LZTR1: variants seen among roughly 807,000 people sequenced by gnomAD.
LZTR1 encodes the protein leucine zipper like post translational regulator 1.
LZTR1 carries 260 observed loss-of-function variants against 105.7 expected under a neutral mutation model. That is an observed-to-expected ratio of 2.46 (90% CI 2.22 to 2.72). The LOEUF (loss-of-function observed/expected upper bound fraction) is 2.72, where lower values mean the gene tolerates loss of function less well. LZTR1 is among the 30% of genes most tolerant of loss of function. The pLI, the probability that LZTR1 is intolerant of heterozygous loss-of-function variation, is 0.00. For synonymous variants in LZTR1, 490 were observed against 476.4 expected, an observed-to-expected ratio of 1.03 and a Z score of -0.37; for missense variants, 1,214 against 1,166.9, an observed-to-expected ratio of 1.04 and a Z score of -0.59.
At chr22:20,983,598 T>G (rs1218426740) in intron 2 of LZTR1, among the ~76,000 whole-genome samples, 1 of 151,918 alleles carries the variant, frequency 6.6e-6, no homozygotes, top group Non-Finnish European at 1.5e-5. Flanking sequence ...GAGGGTGGAG[T>G]ATTTGCACAT....
In LZTR1 at chr22:20,993,774, C is replaced by T. The variant is rs1441162687; in HGVS notation, c.1353+20C>T. The stretch of plus-strand genomic sequence containing the variant: ...GGTGAGGTGGGTGCCTGTCCTCGCA[C>T]CCTGCTCTGCCTGCTGTGCCTGGGC... On this transcript the variant is annotated intron_variant, in intron 12 of 20. Coordinates refer to ENST00000646124, the MANE Select transcript of LZTR1 (RefSeq NM_006767.4). The T allele has an allele frequency of 2.5e-6, 4 of 1,605,478 alleles. No individual in the cohort carries two copies. The highest frequency in any genetic ancestry group is 3.4e-6 in the Non-Finnish European group (4 of 1,175,294).
At position 20,997,844 on chromosome 22, in the gene LZTR1, G is replaced by A. The variant is rs1924930469; in HGVS notation, c.*496G>A. 6.4e-6 allele frequency: 1 copy of A among 155,770 alleles called. No homozygotes were observed. Among genetic ancestry groups the A allele is most frequent in the Non-Finnish European group, 1.4e-5 (1 of 70,238 alleles). The allele number at this position is 155,770 out of a possible 1,614,324, so 9.6% of individuals were successfully genotyped here. A position where few individuals can be genotyped will look rare whatever the true frequency, so the allele number is the denominator to read the frequency against. On this transcript the variant is annotated 3_prime_UTR_variant, in exon 21 of 21. Coordinates refer to ENST00000646124, the MANE Select transcript of LZTR1 (RefSeq NM_006767.4). ...CCCACCCTCACTGAGATCCATGTAA[G>A]GGGCTCCTCTTCCCACCTGGAACTT...
In LZTR1 at chr22:20,996,883, C is replaced by T. The variant is rs375845428; in HGVS notation, c.2326-3C>T. ...CAGCGCCTCAAGGTCCCTGCCATTG[C>T]AGATCCTGGAGGCAGCTGACAAAAC... On this transcript the variant is annotated splice_region_variant and splice_polypyrimidine_tract_variant and intron_variant, in intron 19 of 20. Transcript: ENST00000646124. The T allele has an allele frequency of 3.1e-6, 5 of 1,611,856 alleles. No homozygotes were observed. The African/African-American group carries it at 5.3e-5, about 17-fold the overall frequency.
chr22:20,986,589 T>C (rs1055977060), intron 3 of LZTR1: 1 of 152,054 alleles, frequency 6.6e-6, no homozygotes, highest in Non-Finnish European at 1.5e-5. Flanking sequence ...GATGGGTAGA[T>C]AGATGACAGA....
At position 20,994,964 on chromosome 22, in the gene LZTR1, A is replaced by T; in HGVS notation, c.1880A>T (p.Glu627Val). The T allele has an allele frequency of 6.2e-7, 1 of 1,613,190 alleles. No individual in the cohort carries two copies. Among genetic ancestry groups the T allele is most frequent in the Non-Finnish European group, 8.5e-7 (1 of 1,179,968 alleles). The change falls in exon 16 of 21, where the codon GAG (glutamate) becomes GTG (valine). Residue 627 changes from glutamate (E) to valine (V), a missense_variant. By Grantham distance (121) the Glu-to-Val change is moderately radical. Transcript: ENST00000646124. ...FERLSSPLIV[E>V]IVRRKQQPPP... ...CGCCTCTCCTCTCCACTGATAGTGG[A>T]GATTGTGCGGCGGAAGCAGCAGCCG...
rs923724411 is a variant in LZTR1 at position 20,995,547 on chromosome 22, G to C, written c.1943-199G>C. On this transcript the variant is annotated intron_variant, in intron 16 of 20. Coordinates refer to ENST00000646124, the MANE Select transcript of LZTR1 (RefSeq NM_006767.4). ...GACGCTGGGTGGTGGGCTGTGCGTG[G>C]GGCATAGTGCTTGAGTCGGCCAGGG... 1.1e-5 allele frequency: 8 copies of C among 739,910 alleles called. No individual in the cohort carries two copies. In the African/African-American group the frequency reaches 1.2e-4, roughly 11 times the overall value. 45.8% of individuals were successfully genotyped at this position (739,910 alleles called of 1,614,324 possible).
rs140874089 is a variant in LZTR1, at chr22:20,995,793, G to C, written c.1990G>C (p.Ala664Pro). The change falls in exon 17 of 21, where the codon GCG (alanine) becomes CCG (proline). Residue 664 changes from alanine to proline, a missense_variant. Physicochemically the swap from Ala to Pro is conservative, Grantham distance 27. Transcript: ENST00000646124. ...DMKAYLEGAGAEFCDITLLLD... is the reference protein window; with the variant it reads ...DMKAYLEGAGPEFCDITLLLD... ...GAAGGCATACCTGGAGGGAGCGGGCGCGGAATTCTGTGACATCACTCTGTT... is the reference window on the plus strand; with the variant it reads ...GAAGGCATACCTGGAGGGAGCGGGCCCGGAATTCTGTGACATCACTCTGTT... 6.2e-7 allele frequency: 1 copy of C among 1,613,558 alleles called. No individual in the cohort carries two copies. Among genetic ancestry groups the C allele is most frequent in the South Asian group, 1.1e-5 (1 of 91,084 alleles).
intron 4 of LZTR1, 101 bp downstream of exon 4, chr22:20,987,684 C>A: frequency 1.9e-6 from 2 of 1,063,762 alleles, no homozygotes; most frequent in Non-Finnish European, 2.9e-6. Flanking sequence ...CTGTGTACAG[C>A]AGGGGCTCTC....
chr22:20,994,827 C>G (rs555269995), intron 15 of LZTR1, 43 bp from the exon 16 acceptor site: 4 of 1,611,110 alleles, frequency 2.5e-6, no homozygotes, highest in Admixed American at 1.7e-5. Flanking sequence ...AGCCTGGGGC[C>G]CTGGCTTGAC....
In LZTR1 at chr22:20,989,828, G is replaced by A. The variant is rs1194086306; in HGVS notation, c.651+146G>A. On this transcript the variant is annotated intron_variant, in intron 7 of 20. Coordinates refer to ENST00000646124, the MANE Select transcript of LZTR1 (RefSeq NM_006767.4). Reference sequence around the variant, plus strand: ...CAGGGGGAGCCAGGCTGGGGGTCGAGGCTGCTTTCTTCCCCTTGCAAAGCC... The same window carrying A: ...CAGGGGGAGCCAGGCTGGGGGTCGAAGCTGCTTTCTTCCCCTTGCAAAGCC... The A allele has an allele frequency of 4.6e-6, 4 of 867,792 alleles. No homozygotes were observed. The African/African-American group carries it at 4.9e-5, about 11-fold the overall frequency. 53.8% of individuals were successfully genotyped at this position (867,792 alleles called of 1,614,324 possible).
In LZTR1 at chr22:20,989,686, A is replaced by G. The variant is rs1353939132; in HGVS notation, c.651+4A>G. On this transcript the variant is annotated splice_donor_region_variant and intron_variant, in intron 7 of 20. Transcript: ENST00000646124. ...AGAGCTCACCTGCTGGGAGGAGGTG[A>G]GGGGCGTGGGGAGCCAGGGCGCAGG... The G allele has an allele frequency of 6.5e-7, 1 of 1,544,060 alleles. No individual in the cohort carries two copies. Among genetic ancestry groups the G allele is most frequent in the Non-Finnish European group, 8.8e-7 (1 of 1,142,794 alleles).
rs1189643616 is a variant in LZTR1 at position 20,996,710 on chromosome 22, C to T, written c.2234C>T (p.Ala745Val). ...PPEDSLYLFA[A>V]PYYYGFYNNR... ...CCAGGCCCCAGCTACTTGTTTGCGGCCCCCTACTACTACGGCTTCTACAAC... is the reference window on the plus strand; with the variant it reads ...CCAGGCCCCAGCTACTTGTTTGCGGTCCCCTACTACTACGGCTTCTACAAC... Residue 745 changes from alanine to valine, a missense_variant, in exon 19 of 21, where the codon GCC becomes GTC. Ala to Val is a moderately conservative substitution (Grantham distance 64). Coordinates refer to ENST00000646124, the MANE Select transcript of LZTR1 (RefSeq NM_006767.4). 2 of 1,613,486 alleles carry T rather than the reference C, an allele frequency of 1.2e-6. No homozygotes were observed. The highest frequency in any genetic ancestry group is 1.7e-5 in the Admixed American group (1 of 59,982).
Position 20,995,973 on chromosome 22 carries a change from G to A in LZTR1, c.2080G>A (p.Ala694Thr). The A allele has an allele frequency of 3.7e-6, 6 of 1,613,764 alleles. No homozygotes were observed. Among genetic ancestry groups the A allele is most frequent in the Non-Finnish European group, 5.1e-6 (6 of 1,180,034 alleles). The change falls in exon 18 of 21, where the codon GCC (alanine) becomes ACC (threonine). Residue 694 changes from alanine (A) to threonine (T), a missense_variant. Coordinates refer to ENST00000646124, the MANE Select transcript of LZTR1 (RefSeq NM_006767.4). ...ILAARSSYFEAMFRSFMPEDG... is the reference protein window; with the variant it reads ...ILAARSSYFETMFRSFMPEDG... The stretch of plus-strand genomic sequence containing the variant: ...GCTCGTTGTCTGCAGCTACTTTGAA[G>A]CCATGTTCCGGTCCTTCATGCCCGA...
Position 20,994,682 on chromosome 22 carries a change from GGTTGTGTGCGAGA to G in LZTR1, c.1743_1755del (p.Val582ProfsTer6). 5 of 1,612,866 alleles carry G rather than the reference GGTTGTGTGCGAGA, an allele frequency of 3.1e-6. No individual in the cohort carries two copies. The highest frequency in any genetic ancestry group is 4.2e-6 in the Non-Finnish European group (5 of 1,179,992). On this transcript the variant is annotated frameshift_variant, in exon 15 of 21. Coordinates refer to ENST00000646124, the MANE Select transcript of LZTR1 (RefSeq NM_006767.4). LOFTEE classifies it high-confidence loss of function. ...CCTCCGTGGACCTGCAGAACGTGCT[GGTTGTGTGCGAGA>G]GTGCCGCCCGGCTGCAGCTGAGCCA... is the stretch of plus-strand genomic sequence containing the variant.
chr22:20,996,083 C>G lies in LZTR1; in HGVS notation c.2190C>G (p.Gly730=). 1 of 1,613,096 alleles carries G rather than the reference C, an allele frequency of 6.2e-7. No homozygotes were observed. The highest frequency in any genetic ancestry group is 8.5e-7 in the Non-Finnish European group (1 of 1,180,006). Residue 730 remains glycine (G), a synonymous_variant, in exon 18 of 21, where the codon GGC becomes GGG. Transcript: ENST00000646124. The part of the protein sequence containing the change: ...FESMLRYIYY[G]EVNMPPEDSL... ...CCATGCTGCGCTACATCTACTACGG[C>G]GAGGTCAACATGCCGCCCGAGGACT...
rs1489766065 is a variant in LZTR1, at chr22:20,996,910, C to T, written c.2350C>T (p.Gln784Ter). Residue 784 changes from glutamine (Q) to a stop codon, truncating the protein, a stop_gained, in exon 20 of 21, where the codon CAG (glutamine) becomes TAG (stop). Transcript: ENST00000646124. LOFTEE classifies it high-confidence loss of function. ...GATCCTGGAGGCAGCTGACAAAACG[C>T]AGGCACTGGACATGAAGCGGCACTG... ...LQILEAADKTQALDMKRHCLH... is the reference protein window; with the variant it reads ...LQILEAADKT The T allele has an allele frequency of 1.2e-6, 2 of 1,612,800 alleles. No homozygotes were observed. The highest frequency in any genetic ancestry group is 8.5e-7 in the Non-Finnish European group (1 of 1,179,316).
At position 20,989,627 on chromosome 22, in the gene LZTR1, T is replaced by C. The variant is rs1360454424; in HGVS notation, c.596T>C (p.Leu199Ser). 1 of 1,613,606 alleles carries C rather than the reference T, an allele frequency of 6.2e-7. No individual in the cohort carries two copies. ...CTCACTGGTCTGTCCTAATACAGGT[T>C]GAATGACATGTGGACAATTGGCCTC... is the stretch of plus-strand genomic sequence containing the variant. ...IFAGYDGNAR[L>S]NDMWTIGLQD... is the part of the protein sequence containing the mutation. Residue 199 changes from leucine (L) to serine (S), a missense_variant and splice_region_variant, in exon 7 of 21, where the codon TTG (leucine) becomes TCG (serine). By Grantham distance (145) the Leu-to-Ser change is moderately radical. Transcript: ENST00000646124.
rs372409921 is a variant in LZTR1, at chr22:20,993,771, G to A, written c.1353+17G>A. The A allele has an allele frequency of 1.1e-4, 184 of 1,606,884 alleles. 2 individuals carry two copies. The Admixed American group carries it at 2.9e-3, about 26-fold the overall frequency. On this transcript the variant is annotated intron_variant, in intron 12 of 20. Transcript: ENST00000646124. Reference sequence around the variant, plus strand: ...CTGGGTGAGGTGGGTGCCTGTCCTCGCACCCTGCTCTGCCTGCTGTGCCTG... The same window carrying A: ...CTGGGTGAGGTGGGTGCCTGTCCTCACACCCTGCTCTGCCTGCTGTGCCTG...
At chr22:20,997,147 A>C in intron 20 of LZTR1, 85 bp from the exon 21 acceptor site, 1 of 1,140,806 alleles carries the variant, frequency 8.8e-7, no homozygotes, top group Non-Finnish European at 1.3e-6. Context: ...AGCCCTGAGC[A>C]GGGTAGGCCC....
Sources: gnomAD v4.1 joint callset for allele counts (sites outside exome capture counted in the v4.1 genomes callset) on GRCh38, gnomAD v4.1.1 for gene constraint, MANE v1.5 for transcripts, NCBI Gene and HGNC (gene_info 2026-07-23, HGNC 2026-07-21) for gene names.